Variants in KCNQ1 observed in about 807,000 individuals in gnomAD.
The protein encoded by KCNQ1 is potassium voltage-gated channel subfamily KQT member 1.
KCNQ1 carries 49 observed loss-of-function variants against 72.4 expected under a neutral mutation model. That is an observed-to-expected ratio of 0.68 (90% CI 0.54 to 0.86). The LOEUF is 0.86. Among genes scored for constraint, KCNQ1 ranks in the 40% least tolerant of loss-of-function variants. The pLI, the probability that KCNQ1 is intolerant of heterozygous loss-of-function variation, is 0.00. For synonymous variants in KCNQ1, 450 were observed against 412.6 expected, an observed-to-expected ratio of 1.09 and a Z score of -1.10; for missense variants, 790 against 945.1, an observed-to-expected ratio of 0.84 and a Z score of 2.15.
Position 2,762,140 on chromosome 11 carries a change from G to A in KCNQ1, c.1515-6704G>A, listed in dbSNP as rs537616803. ...TGGGGTGATGGAAAGAGGCCAGGAC[G>A]TGAGGCCAGGGTAATAGTTCCTCTC... On this transcript the variant is annotated intron_variant, in intron 11 of 15. Coordinates refer to ENST00000155840, the MANE Select transcript of KCNQ1 (RefSeq NM_000218.3). This position sits in a 1 kb window ranked among gnomAD's most constrained non-coding sequence, Gnocchi z 4.3. Among the ~76,000 whole-genome samples, 43 of 152,356 alleles carry A rather than the reference G, an allele frequency of 2.8e-4. No individual in the cohort carries two copies. The highest frequency in any genetic ancestry group is 7.9e-4 in the African/African-American group (33 of 41,590).
chr11:2,580,134 C>T (rs1163619226), intron 6 of KCNQ1, among the ~76,000 whole-genome samples: 2 of 152,176 alleles, frequency 1.3e-5, no homozygotes, highest in African/African-American at 2.4e-5. Context: ...GGTTTGCTGG[C>T]GCCCCTTACG....
At position 2,653,444 on chromosome 11, in the gene KCNQ1, A is replaced by G; in HGVS notation, c.1394-8517A>G. Reference sequence around the variant, plus strand: ...AAACAAGCTTAAGCACAAAAGGGACATTTTTTGGCTCACACAGCTGGACCC... The same window carrying G: ...AAACAAGCTTAAGCACAAAAGGGACGTTTTTTGGCTCACACAGCTGGACCC... On this transcript the variant is annotated intron_variant, in intron 10 of 15. Coordinates refer to ENST00000155840, the MANE Select transcript of KCNQ1 (RefSeq NM_000218.3). The surrounding 1 kb of genome is among the most constrained non-coding windows in gnomAD (Gnocchi z 5.3). The G allele has an allele frequency of 2.5e-6, 1 of 398,550 alleles. No individual in the cohort carries two copies. Among genetic ancestry groups the G allele is most frequent in the Non-Finnish European group, 4.4e-6 (1 of 226,072 alleles). 24.7% of individuals were successfully genotyped at this position (398,550 alleles called of 1,614,324 possible). A position where few individuals can be genotyped will look rare whatever the true frequency, so the allele number is the denominator to read the frequency against.
Position 2,781,951 on chromosome 11 carries a change from C to G in KCNQ1, c.1794+3914C>G, listed in dbSNP as rs1448959972. ...TGAGAATGCCCCCCAACCCAGGACT[C>G]CCAAAACCACACCCTGCCCATGCCT... On this transcript the variant is annotated intron_variant, in intron 15 of 15. Coordinates refer to ENST00000155840, the MANE Select transcript of KCNQ1 (RefSeq NM_000218.3). The surrounding 1 kb of genome is among the most constrained non-coding windows in gnomAD (Gnocchi z 6.6). 6.6e-6 allele frequency among the ~76,000 whole-genome samples: 1 copy of G among 152,122 alleles called. No individual in the cohort carries two copies. The highest frequency in any genetic ancestry group is 1.5e-5 in the Non-Finnish European group (1 of 68,008).
At chr11:2,606,472 T>C (rs1441633574) in intron 10 of KCNQ1, among the ~76,000 whole-genome samples, 1 of 152,134 alleles carries the variant, frequency 6.6e-6, no homozygotes, top group Non-Finnish European at 1.5e-5. Context: ...TAAGAGCTGG[T>C]TGTTTAAAGA....
chr11:2,622,084 T>A, intron 10 of KCNQ1: 1 of 398,386 alleles, frequency 2.5e-6, no homozygotes, highest in Non-Finnish European at 4.4e-6. Flanking sequence ...CTGTCATTTG[T>A]CTGAAGATAT....
chr11:2,597,214 CTCTCAG>C (rs1338737355), intron 10 of KCNQ1, among the ~76,000 whole-genome samples: 3 of 152,170 alleles, frequency 2.0e-5, no homozygotes, highest in East Asian at 3.9e-4. Flanking sequence ...TACATGGAAA[CTCTCAG>C]TCTCAGTCAT....
chr11:2,799,375 A>AGTGTGTGTGTGTGTGTGTGT (rs3079043), intron 15 of KCNQ1, among the ~76,000 whole-genome samples: 76 of 147,396 alleles, frequency 5.2e-4, no homozygotes, highest in Admixed American at 4.3e-3. Context: ...TGTAAGTTCG[A>AGTGTGTGTGTGTGTGTGTGT]GTGTGTGTGT....
rs199472719 is a variant in KCNQ1 at position 2,572,104 on chromosome 11, C to T, written c.775C>T (p.Arg259Cys). The part of the protein sequence containing the change: ...RLLGSVVFIH[R>C]QELITTLYIG... ...CCTGGGCTCCGTGGTCTTCATCCAC[C>T]GCCAGGTGGGTGGCCCGGGTTAGGG... The change falls in exon 5 of 16, where the codon CGC becomes TGC. Residue 259 changes from arginine to cysteine, a missense_variant. Coordinates refer to ENST00000155840, the MANE Select transcript of KCNQ1 (RefSeq NM_000218.3). 3 of 1,611,546 alleles carry T rather than the reference C, an allele frequency of 1.9e-6. No homozygotes were observed. Among genetic ancestry groups the T allele is most frequent in the East Asian group, 2.2e-5 (1 of 44,858 alleles).
At position 2,661,802 on chromosome 11, in the gene KCNQ1, C is replaced by T; in HGVS notation, c.1394-159C>T. 1 of 826,966 alleles carries T rather than the reference C, an allele frequency of 1.2e-6. No homozygotes were observed. Among genetic ancestry groups the T allele is most frequent in the Admixed American group, 2.0e-5 (1 of 49,064 alleles). The allele number at this position is 826,966 out of a possible 1,614,324, so 51.2% of individuals were successfully genotyped here. A position where few individuals can be genotyped will look rare whatever the true frequency, so the allele number is the denominator to read the frequency against. ...ACTTTGGGGCCATCTTAAACACCCA[C>T]CCACCCCAACACCCAACTATAAAAC... On this transcript the variant is annotated intron_variant, in intron 10 of 15. Transcript: ENST00000155840. This position sits in a 1 kb window ranked among gnomAD's most constrained non-coding sequence, Gnocchi z 5.9.
chr11:2,716,506 G>A lies in KCNQ1; in HGVS notation c.1515-52338G>A, dbSNP rs147886630. Among the ~76,000 whole-genome samples, 560 of 152,350 alleles carry A rather than the reference G, an allele frequency of 3.7e-3. 2 individuals are homozygous for A. The highest frequency in any genetic ancestry group is 0.013 in the African/African-American group (527 of 41,582). On this transcript the variant is annotated intron_variant, in intron 11 of 15. Coordinates refer to ENST00000155840, the MANE Select transcript of KCNQ1 (RefSeq NM_000218.3). ...GCCTTGTCCCCAGCCTCCAGGGCCA[G>A]GCTCCAGCTTCCCAGGCGTGTGCTT...
chr11:2,692,840 G>A (rs1850610446), intron 11 of KCNQ1: 2 of 398,548 alleles, frequency 5.0e-6, no homozygotes, highest in South Asian at 1.3e-4. Flanking sequence ...TCCCCTGCCT[G>A]TTAGACATAA....
intron 10 of KCNQ1, among the ~76,000 whole-genome samples, chr11:2,606,993 C>T (rs1212373390): frequency 2.0e-5 from 3 of 149,198 alleles, no homozygotes; most frequent in African/African-American, 7.4e-5. Flanking sequence ...AGCTCCACCT[C>T]CCAGGTTCAC....
intron 1 of KCNQ1, among the ~76,000 whole-genome samples, chr11:2,476,610 A>C (rs1467358368): frequency 1.3e-5 from 2 of 152,224 alleles, no homozygotes; most frequent in African/African-American, 2.4e-5. Flanking sequence ...TATATCTTAT[A>C]ATTTCAATCA....
At chr11:2,586,362 G>C (rs534610346) in intron 8 of KCNQ1, among the ~76,000 whole-genome samples, 77 of 152,336 alleles carry the variant, frequency 5.1e-4, no homozygotes, top group African/African-American at 1.7e-3. Flanking sequence ...CCCTTAGCCT[G>C]GTTTTATGGC....
In KCNQ1 at chr11:2,827,828, C is replaced by G. The variant is rs1469230009; in HGVS notation, c.1795-19939C>G. Among the ~76,000 whole-genome samples the G allele has an allele frequency of 6.6e-6, 1 of 152,056 alleles. No homozygotes were observed. The highest frequency in any genetic ancestry group is 1.5e-5 in the Non-Finnish European group (1 of 68,022). On this transcript the variant is annotated intron_variant, in intron 15 of 15. Coordinates refer to ENST00000155840, the MANE Select transcript of KCNQ1 (RefSeq NM_000218.3). The surrounding 1 kb of genome is among the most constrained non-coding windows in gnomAD (Gnocchi z 6.7). ...AGCAGGTATGTGGTGGTACTGTTTT[C>G]CGGAATGAAGAGGAAGGGGCGGGCA...
At position 2,848,134 on chromosome 11, in the gene KCNQ1, A is replaced by C; in HGVS notation, c.*131A>C. 5.1e-6 allele frequency: 4 copies of C among 790,556 alleles called. 1 individual carries two copies. Among genetic ancestry groups the C allele is most frequent in the Non-Finnish European group, 8.5e-6 (4 of 469,462 alleles). 49.0% of individuals were successfully genotyped at this position (790,556 alleles called of 1,614,324 possible). A position where few individuals can be genotyped will look rare whatever the true frequency, so the allele number is the denominator to read the frequency against. ...GAGCCCCACTCTCAGAGGCCCCAAT[A>C]CCCCATGGACCATGCTGTCTGGCAC... is the stretch of plus-strand genomic sequence containing the variant. On this transcript the variant is annotated 3_prime_UTR_variant, in exon 16 of 16. Coordinates refer to ENST00000155840, the MANE Select transcript of KCNQ1 (RefSeq NM_000218.3).
intron 1 of KCNQ1, among the ~76,000 whole-genome samples, chr11:2,456,957 A>C (rs78919750): frequency 0.075 from 9,190 of 122,046 alleles, 1,333 homozygotes; most frequent in African/African-American, 0.17. Flanking sequence ...AAAAAAAAAA[A>C]AAAAAAAACC....
chr11:2,772,651 GTGCAGGGAGCTCTC>G lies in KCNQ1; in HGVS notation c.1591-3305_1591-3292del, dbSNP rs2133985367. ...ACACCAGGTAAGGCTGTGGCTGAAG[GTGCAGGGAGCTCTC>G]TGCTGATAGGCCCACCCAGCCCTGC... On this transcript the variant is annotated intron_variant, in intron 12 of 15. Coordinates refer to ENST00000155840, the MANE Select transcript of KCNQ1 (RefSeq NM_000218.3). This position sits in a 1 kb window ranked among gnomAD's most constrained non-coding sequence, Gnocchi z 6.6. Among the ~76,000 whole-genome samples, 1 of 152,290 alleles carries G rather than the reference GTGCAGGGAGCTCTC, an allele frequency of 6.6e-6. No individual in the cohort carries two copies. The highest frequency in any genetic ancestry group is 2.1e-4 in the South Asian group (1 of 4,824).
chr11:2,576,475 T>G (rs185722991), intron 6 of KCNQ1, among the ~76,000 whole-genome samples: 8 of 152,352 alleles, frequency 5.3e-5, no homozygotes, highest in African/African-American at 1.9e-4. Context: ...AAACACGGGC[T>G]TCTCTGTTCA....
Sources: allele counts gnomAD v4.1 joint callset (sites outside exome capture counted in the v4.1 genomes callset), GRCh38; gene constraint gnomAD v4.1.1; non-coding constraint Gnocchi (gnomAD v3.1); transcripts MANE v1.5; gene names NCBI Gene and HGNC (gene_info 2026-07-23, HGNC 2026-07-21).